CCNL1: variants seen among roughly 807,000 people sequenced by gnomAD.
CCNL1 encodes the protein cyclin L1.
Under a neutral mutation model 60.6 loss-of-function variants are expected in CCNL1, and 13 were observed. The ratio of observed to expected loss-of-function variants is 0.21; its 90% CI spans 0.14 to 0.34. CCNL1 has a LOEUF of 0.34. Among genes scored for constraint, CCNL1 ranks in the 10% least tolerant of loss-of-function variants. CCNL1 has a pLI of 1.00. For synonymous variants in CCNL1, 270 were observed against 244.3 expected, an observed-to-expected ratio of 1.10 and a Z score of -0.98; for missense variants, 481 against 664.3, an observed-to-expected ratio of 0.72 and a Z score of 3.03.
At chr3:157,144,362 T>C (rs1737723325), downstream of CCNL1, among the ~76,000 whole-genome samples, 1 of 152,210 alleles carries the variant, frequency 6.6e-6, no homozygotes. Flanking sequence ...AAGTCTGGAT[T>C]GCAATGGTAA....
chr3:157,148,681 C>T (rs1322174085), intron 10 of CCNL1, 92 bp from the exon 11 acceptor site: 3 of 1,117,982 alleles, frequency 2.7e-6, no homozygotes, highest in Non-Finnish European at 3.8e-6. Flanking sequence ...AACAAAACTA[C>T]CAGCTACATA....
rs769464364 is a variant in CCNL1, at chr3:157,147,864, TAAGA to T, written c.*373_*376del. 171 of 995,622 alleles carry T rather than the reference TAAGA, an allele frequency of 1.7e-4. 1 individual carries two copies. The highest frequency in any genetic ancestry group is 1.8e-4 in the Non-Finnish European group (153 of 836,886). The allele number at this position is 995,622 out of a possible 1,614,324, so 61.7% of individuals were successfully genotyped here. On this transcript the variant is annotated 3_prime_UTR_variant, in exon 11 of 11. Transcript: ENST00000295926. Reference sequence around the variant, plus strand: ...TTTACACATGCAGACAAACCAGTGTTAAGAAAGTATTCACCATCATTTAAACAAA... The same window carrying T: ...TTTACACATGCAGACAAACCAGTGTTAAGTATTCACCATCATTTAAACAAA...
Position 157,149,828 on chromosome 3 carries a change from C to T in CCNL1, c.1021+8G>A. 1.2e-6 allele frequency: 2 copies of T among 1,611,118 alleles called. No individual in the cohort carries two copies. The highest frequency in any genetic ancestry group is 1.1e-5 in the South Asian group (1 of 90,194). ...CCCCAAGTCATTTTAATTCTAAATA[C>T]ATCTTACATGGCTTGGAGGCTGGAG... is the stretch of plus-strand genomic sequence containing the variant. On this transcript the variant is annotated splice_region_variant and intron_variant, in intron 8 of 10. Coordinates refer to ENST00000295926, the MANE Select transcript of CCNL1 (RefSeq NM_020307.4).
downstream of CCNL1, among the ~76,000 whole-genome samples, chr3:157,143,325 A>C (rs992644791): frequency 1.3e-5 from 2 of 152,226 alleles, no homozygotes; most frequent in Non-Finnish European, 2.9e-5. Flanking sequence ...GAACTCCAGG[A>C]ACCTAGTCCT....
rs1737870302 is a variant in CCNL1 at position 157,148,077 on chromosome 3, C to T, written c.*164G>A. On this transcript the variant is annotated 3_prime_UTR_variant, in exon 11 of 11. Transcript: ENST00000295926. ...GCATTTTAATGTGCAAAAAAATTAA[C>T]ATAGTTCTTTTCAAAAGAAACTGTC... 50 of 1,393,388 alleles carry T rather than the reference C, an allele frequency of 3.6e-5. No individual in the cohort carries two copies. Among genetic ancestry groups the T allele is most frequent in the Non-Finnish European group, 4.5e-5 (49 of 1,077,378 alleles). 86.3% of individuals were successfully genotyped at this position (1,393,388 alleles called of 1,614,324 possible).
Position 157,151,393 on chromosome 3 carries a change from C to G in CCNL1, c.674+784G>C, listed in dbSNP as rs1001878482. The G allele has an allele frequency of 5.1e-6, 5 of 985,880 alleles. No homozygotes were observed. In the African/African-American group the frequency reaches 8.7e-5, roughly 17 times the overall value. The allele number at this position is 985,880 out of a possible 1,614,324, so 61.1% of individuals were successfully genotyped here. On this transcript the variant is annotated intron_variant, in intron 5 of 10. Transcript: ENST00000295926. Reference sequence around the variant, plus strand: ...GCCAGCACTCCAAATCACACATCTGCATCTCAAGAAGTCCAAGTGCTAAAG... The same window carrying G: ...GCCAGCACTCCAAATCACACATCTGGATCTCAAGAAGTCCAAGTGCTAAAG...
chr3:157,144,268 A>G (rs1013593464), downstream of CCNL1, among the ~76,000 whole-genome samples: 1 of 152,240 alleles, frequency 6.6e-6, no homozygotes, highest in African/African-American at 2.4e-5. Flanking sequence ...TTAGTTAAGA[A>G]GCATTCTCAA....
At chr3:157,143,369 G>T (rs923738796), downstream of CCNL1, among the ~76,000 whole-genome samples, 2 of 152,274 alleles carry the variant, frequency 1.3e-5, no homozygotes, top group Admixed American at 1.3e-4. Context: ...TCATGGAAGG[G>T]TGATTGGACA....
chr3:157,151,525 T>C (rs964219649), intron 5 of CCNL1: 2 of 985,826 alleles, frequency 2.0e-6, no homozygotes, highest in African/African-American at 1.7e-5. Context: ...TAAGCCAGTG[T>C]GGGAACTGGT....
At position 157,152,713 on chromosome 3, in the gene CCNL1, A is replaced by G; in HGVS notation, c.609+323T>C. The G allele has an allele frequency of 6.2e-6, 7 of 1,130,686 alleles. 1 individual carries two copies. The South Asian group carries it at 1.1e-4, about 18-fold the overall frequency. The allele number at this position is 1,130,686 out of a possible 1,614,324, so 70.0% of individuals were successfully genotyped here. ...TGATAAGTGTGCCAGATACTTTTGT[A>G]GCTACACATTTATTCCTTGGAATGA... On this transcript the variant is annotated intron_variant, in intron 4 of 10. Transcript: ENST00000295926.
Position 157,149,035 on chromosome 3 carries a change from T to C in CCNL1, c.1232+252A>G, listed in dbSNP as rs1479223526. The C allele has an allele frequency of 6.4e-6, 3 of 467,492 alleles. 1 individual carries two copies. The East Asian group carries it at 1.1e-4, about 17-fold the overall frequency. The allele number at this position is 467,492 out of a possible 1,614,324, so 29.0% of individuals were successfully genotyped here. A position where few individuals can be genotyped will look rare whatever the true frequency, so the allele number is the denominator to read the frequency against. ...AAAGAAGTTTTCACATTATGAACAATACTATGGCCCTCAAGCACTTTGTGG... is the reference window on the plus strand; with the variant it reads ...AAAGAAGTTTTCACATTATGAACAACACTATGGCCCTCAAGCACTTTGTGG... On this transcript the variant is annotated intron_variant, in intron 10 of 10. Coordinates refer to ENST00000295926, the MANE Select transcript of CCNL1 (RefSeq NM_020307.4).
At chr3:157,152,558 AGGTAGTCCTGACCCG>A in intron 4 of CCNL1, 1 of 1,091,574 alleles carries the variant, frequency 9.2e-7, no homozygotes, top group Non-Finnish European at 1.1e-6. Flanking sequence ...TTTCTAACCC[AGGTAGTCCTGACCCG>A]GGTAACTCAC....
chr3:157,150,746 C>T, intron 5 of CCNL1: 1 of 1,007,074 alleles, frequency 9.9e-7, no homozygotes, highest in Non-Finnish European at 1.2e-6. Context: ...TACTTCAAGC[C>T]ATTAATTACT....
Position 157,149,363 on chromosome 3 carries a change from T to A in CCNL1, c.1156A>T (p.Ser386Cys). The change falls in exon 10 of 11, where the codon AGT becomes TGT. Residue 386 changes from serine to cysteine, a missense_variant. Physicochemically the swap from Ser to Cys is moderately radical, Grantham distance 112. Coordinates refer to ENST00000295926, the MANE Select transcript of CCNL1 (RefSeq NM_020307.4). Reference protein sequence around the residue: ...YNGVRKDSKRSRNSRSASRSR... With the variant: ...YNGVRKDSKRCRNSRSASRSR... ...CGACTTGCACTTCTGCTATTTCTAC[T>A]TCTCTTGCTGTCTTTTCTTACACTT... The A allele has an allele frequency of 1.2e-6, 2 of 1,614,090 alleles. No homozygotes were observed. Among genetic ancestry groups the A allele is most frequent in the Non-Finnish European group, 1.7e-6 (2 of 1,179,952 alleles).
downstream of CCNL1, among the ~76,000 whole-genome samples, chr3:157,145,070 T>C (rs1204525278): frequency 6.6e-6 from 1 of 152,206 alleles, no homozygotes; most frequent in Non-Finnish European, 1.5e-5. Context: ...AGAATTTCAC[T>C]GGTCTTTAAA....
At chr3:157,152,511 C>T in intron 4 of CCNL1, 1 of 1,142,334 alleles carries the variant, frequency 8.8e-7, no homozygotes, top group Middle Eastern at 3.8e-4. Flanking sequence ...GTGATGGGCA[C>T]CGTGCTAGAT....
chr3:157,159,602 C>G, intron 1 of CCNL1, 123 bp from the exon 2 acceptor site: 1 of 1,060,506 alleles, frequency 9.4e-7, no homozygotes, highest in Non-Finnish European at 1.4e-6. Context: ...CTGCGAACAG[C>G]CCGCTGCCAA....
chr3:157,152,593 TA>T, intron 4 of CCNL1: 1 of 1,078,190 alleles, frequency 9.3e-7, no homozygotes, highest in South Asian at 2.9e-5. Flanking sequence ...CTCTATGGCT[TA>T]TATTGATAAT....
rs1383123109 is a variant in CCNL1, at chr3:157,147,850, A to G, written c.*391T>C. The G allele has an allele frequency of 1.0e-6, 1 of 991,496 alleles. No individual in the cohort carries two copies. The highest frequency in any genetic ancestry group is 1.2e-6 in the Non-Finnish European group (1 of 833,886). The allele number at this position is 991,496 out of a possible 1,614,324, so 61.4% of individuals were successfully genotyped here. ...TCCTTGTAAAAATCTTTACACATGC[A>G]GACAAACCAGTGTTAAGAAAGTATT... On this transcript the variant is annotated 3_prime_UTR_variant, in exon 11 of 11. Transcript: ENST00000295926.
Sources: allele counts gnomAD v4.1 joint callset (sites outside exome capture counted in the v4.1 genomes callset), GRCh38; gene constraint gnomAD v4.1.1; transcripts MANE v1.5; gene names NCBI Gene and HGNC (gene_info 2026-07-23, HGNC 2026-07-21).